Variants in CNBD1 observed in about 807,000 individuals in gnomAD.
CNBD1 encodes the protein cyclic nucleotide-binding domain-containing protein 1.
In CNBD1, 71 loss-of-function variants were observed where a neutral mutation model predicts 54.4. The observed-to-expected ratio is 1.30, with a 90% CI of 1.08 to 1.59. The LOEUF is 1.59. Among genes scored for constraint, CNBD1 ranks in the 40% most tolerant of loss-of-function variants. The probability of loss-of-function intolerance (pLI) is 0.00; values close to 1 mark genes in which losing one functional copy is unlikely to be tolerated. For synonymous variants in CNBD1, 182 were observed against 170.7 expected (o/e 1.07, Z -0.51); for missense variants, 659 against 518.0 (o/e 1.27, Z -2.64).
At chr8:87,199,684 T>A (rs1813811483) in intron 4 of CNBD1, among the ~76,000 whole-genome samples, 1 of 152,180 alleles carries the variant, frequency 6.6e-6, no homozygotes, top group Admixed American at 6.5e-5. Flanking sequence ...ACAAATAACT[T>A]TCTGTTTCCT....
intron 2 of CNBD1, among the ~76,000 whole-genome samples, chr8:87,398,207 C>CTTTCTTTTTTTTTTT (rs1181570235): frequency 3.3e-5 from 5 of 149,728 alleles, no homozygotes; most frequent in African/African-American, 1.3e-4. Flanking sequence ...GAAATATTTT[C>CTTTCTTTTTTTTTTT]TTATTTTCTT....
intron 8 of CNBD1, among the ~76,000 whole-genome samples, chr8:87,291,270 AG>A (rs58692657): frequency 0.25 from 37,849 of 151,970 alleles, 4,903 homozygotes; most frequent in African/African-American, 0.29. Flanking sequence ...ATCGCCATTG[AG>A]GGCTTTTACA....
intron 2 of CNBD1, among the ~76,000 whole-genome samples, chr8:87,388,262 A>G (rs1297327368): frequency 6.6e-6 from 1 of 152,188 alleles, no homozygotes; most frequent in East Asian, 1.9e-4. Context: ...TCAGAGCAGA[A>G]CTGAAGGAAT....
At chr8:87,342,375 T>C (rs1257555372) in intron 8 of CNBD1, among the ~76,000 whole-genome samples, 1 of 152,226 alleles carries the variant, frequency 6.6e-6, no homozygotes, top group East Asian at 1.9e-4. Context: ...CACTGTCTTG[T>C]TTGAAACCAA....
chr8:87,351,790 A>T lies in CNBD1; in HGVS notation c.1148A>T (p.Lys383Ile). 1.3e-6 allele frequency: 2 copies of T among 1,488,414 alleles called. No individual in the cohort carries two copies. The highest frequency in any genetic ancestry group is 2.8e-5 in the South Asian group (2 of 71,882). The allele number at this position is 1,488,414 out of a possible 1,614,324, so 92.2% of individuals were successfully genotyped here. ...IIGFVKLRSNKVKRSQKLVYM... is the reference protein window; with the variant it reads ...IIGFVKLRSNIVKRSQKLVYM... ...GGATTTGTGAAACTACGATCAAATA[A>T]AGTGGTAAGTTTTCAACATGTATTC... Residue 383 changes from lysine (K) to isoleucine (I), a missense_variant, in exon 9 of 11, where the codon AAA (lysine) becomes ATA (isoleucine). Lys to Ile is a moderately radical substitution (Grantham distance 102, BLOSUM62 -3). Coordinates refer to ENST00000518476, the MANE Select transcript of CNBD1 (RefSeq NM_173538.3).
intron 4 of CNBD1, among the ~76,000 whole-genome samples, chr8:86,960,736 TG>T (rs1403674454): frequency 1.3e-5 from 2 of 152,110 alleles, no homozygotes; most frequent in Admixed American, 1.3e-4. Flanking sequence ...CATCTCCCAG[TG>T]GGGGCCAAGT....
At chr8:87,286,058 A>T (rs1808693405) in intron 7 of CNBD1, among the ~76,000 whole-genome samples, 1 of 152,134 alleles carries the variant, frequency 6.6e-6, no homozygotes, top group Non-Finnish European at 1.5e-5. Flanking sequence ...GTGGTGGGGA[A>T]TTCTTGTGAT....
At chr8:86,992,712 C>T (rs1808781472) in intron 4 of CNBD1, among the ~76,000 whole-genome samples, 1 of 152,020 alleles carries the variant, frequency 6.6e-6, no homozygotes, top group South Asian at 2.1e-4. Flanking sequence ...ATTATCTCTC[C>T]TTCACTTATG....
At chr8:87,076,262 T>C (rs1373599868) in intron 4 of CNBD1, among the ~76,000 whole-genome samples, 1 of 152,188 alleles carries the variant, frequency 6.6e-6, no homozygotes, top group Admixed American at 6.5e-5. Flanking sequence ...AGAGTGTTGA[T>C]ACCATAATGG....
At chr8:87,400,405 A>C (rs984954674) in intron 2 of CNBD1, among the ~76,000 whole-genome samples, 2 of 152,004 alleles carry the variant, frequency 1.3e-5, no homozygotes, top group African/African-American at 4.8e-5. Flanking sequence ...TTGGGTAGAA[A>C]ACTGAAAAGA....
At chr8:87,140,790 T>C (rs1812355324) in intron 4 of CNBD1, among the ~76,000 whole-genome samples, 1 of 152,180 alleles carries the variant, frequency 6.6e-6, no homozygotes, top group Non-Finnish European at 1.5e-5. Context: ...AAAAAAAGTT[T>C]ATCAAAAGAT....
At chr8:87,302,833 A>C (rs1375352474) in intron 8 of CNBD1, among the ~76,000 whole-genome samples, 1 of 152,106 alleles carries the variant, frequency 6.6e-6, no homozygotes, top group East Asian at 1.9e-4. Flanking sequence ...GCATTCTTAT[A>C]CACCAGCAAC....
intron 4 of CNBD1, among the ~76,000 whole-genome samples, chr8:87,096,232 TAA>T (rs1384990330): frequency 6.6e-6 from 1 of 152,182 alleles, no homozygotes; most frequent in African/African-American, 2.4e-5. Flanking sequence ...CTGGGAAGTT[TAA>T]GTTCAATGTG....
chr8:86,973,759 T>G (rs780210462), intron 4 of CNBD1, among the ~76,000 whole-genome samples: 6 of 152,160 alleles, frequency 3.9e-5, no homozygotes, highest in Non-Finnish European at 7.4e-5. Flanking sequence ...TAACAACAGT[T>G]TGAGCTGTCT....
chr8:87,408,356 G>C (rs1406836787), intron 2 of CNBD1, among the ~76,000 whole-genome samples: 1 of 151,710 alleles, frequency 6.6e-6, no homozygotes, highest in Non-Finnish European at 1.5e-5. Context: ...CACCTATCAA[G>C]TTCTTCATTT....
In CNBD1 at chr8:86,898,762, A is replaced by C. The variant is rs28705931; in HGVS notation, c.159-6319A>C. Among the ~76,000 whole-genome samples, 1,488 of 152,252 alleles carry C rather than the reference A, an allele frequency of 9.8e-3. 28 individuals are homozygous for C. Among genetic ancestry groups the C allele is most frequent in the African/African-American group, 0.034 (1,401 of 41,546 alleles). On this transcript the variant is annotated intron_variant, in intron 2 of 10. Transcript: ENST00000518476. ...ATTCTAGGTAACGTTGGGTTTGGTG[A>C]TGACTTCTTAGGTAATACACCAAAA... is the stretch of plus-strand genomic sequence containing the variant.
chr8:87,375,515 T>C (rs1321329884), intron 10 of CNBD1, among the ~76,000 whole-genome samples: 1 of 151,818 alleles, frequency 6.6e-6, no homozygotes, highest in Admixed American at 6.6e-5. Flanking sequence ...AACCATCTTT[T>C]CCGAAGCCAT....
chr8:87,248,907 G>A (rs7844435), intron 6 of CNBD1, among the ~76,000 whole-genome samples: 4 of 152,126 alleles, frequency 2.6e-5, no homozygotes, highest in African/African-American at 9.7e-5. Flanking sequence ...TAATGAGAGG[G>A]CCACGTATGG....
chr8:87,011,602 T>TAA (rs143668821), intron 4 of CNBD1, among the ~76,000 whole-genome samples: 3 of 152,074 alleles, frequency 2.0e-5, no homozygotes, highest in African/African-American at 7.2e-5. Context: ...AAAAATGTTG[T>TAA]AAAAAAATCT....
Sources: allele counts gnomAD v4.1 joint callset (sites outside exome capture counted in the v4.1 genomes callset), GRCh38; gene constraint gnomAD v4.1.1; transcripts MANE v1.5; gene names NCBI Gene and HGNC (gene_info 2026-07-23, HGNC 2026-07-21).